The following ATOSB variants were observed in gnomAD, a reference collection of about 807,000 sequenced individuals.
The protein encoded by ATOSB is atos homolog protein B.
the ATOSB span, chr9:35,111,198 C>T: frequency 6.5e-6 from 1 of 153,440 alleles, no homozygotes; most frequent in Non-Finnish European, 1.5e-5. Flanking sequence ...CCTCTCCTCC[C>T]CACAGCCTGG....
the ATOSB span, chr9:35,108,633 T>C: frequency 9.6e-7 from 1 of 1,043,290 alleles, no homozygotes; most frequent in East Asian, 8.5e-5. Context: ...GCGTCCCCTC[T>C]TCCCAACTGA....
At chr9:35,115,423 TCTC>T in the ATOSB span, among the ~76,000 whole-genome samples, 1 of 151,886 alleles carries the variant, frequency 6.6e-6, no homozygotes, top group Non-Finnish European at 1.5e-5. Flanking sequence ...GGGGTTCTGT[TCTC>T]CTGCCTCAAG....
At chr9:35,106,122 A>G in the ATOSB span, 11 of 1,507,640 alleles carry the variant, frequency 7.3e-6, no homozygotes, top group Admixed American at 1.9e-4. This position sits in a 1 kb window ranked among gnomAD's most constrained non-coding sequence, Gnocchi z 4.6. Flanking sequence ...CCTACAGTAG[A>G]GTTCTCCTCA....
the ATOSB span, chr9:35,104,819 C>G: frequency 5.7e-6 from 1 of 176,344 alleles, no homozygotes; most frequent in Non-Finnish European, 1.4e-5. Context: ...AGGAGTGATG[C>G]CAATTATCAG....
At chr9:35,114,380 C>T in the ATOSB span, among the ~76,000 whole-genome samples, 4 of 148,822 alleles carry the variant, frequency 2.7e-5, no homozygotes, top group Non-Finnish European at 6.0e-5. Context: ...TCAGCAGACC[C>T]ACCCCCCTCC....
At chr9:35,115,094 A>C in the ATOSB span, among the ~76,000 whole-genome samples, 2 of 151,700 alleles carry the variant, frequency 1.3e-5, no homozygotes, top group Admixed American at 1.3e-4. Context: ...AGGAACAGGA[A>C]CTAGGATGGG....
chr9:35,109,575 G>A, the ATOSB span: 150,229 of 152,330 alleles, frequency 0.99, 74,100 homozygotes, highest in Middle Eastern at 1. Flanking sequence ...TTGAAAGCCA[G>A]CTGCCCCCAG....
chr9:35,106,023 G>A, the ATOSB span: 8 of 1,611,230 alleles, frequency 5.0e-6, no homozygotes, highest in Non-Finnish European at 5.9e-6. This position sits in a 1 kb window ranked among gnomAD's most constrained non-coding sequence, Gnocchi z 4.6. Context: ...GAAGGCCAGG[G>A]AGCCATCAGT....
the ATOSB span, chr9:35,107,009 A>T: frequency 1.1e-6 from 1 of 890,094 alleles, no homozygotes; most frequent in South Asian, 1.6e-5. Context: ...ACCTTTACCC[A>T]CACAAATATC....
At chr9:35,105,305 G>T in the ATOSB span, 8 of 1,614,016 alleles carry the variant, frequency 5.0e-6, no homozygotes, top group Non-Finnish European at 6.8e-6. This position sits in a 1 kb window ranked among gnomAD's most constrained non-coding sequence, Gnocchi z 5.5. Context: ...CCAGCTCCAG[G>T]CTCCGGCGGG....
the ATOSB span, chr9:35,106,895 C>A: frequency 1.3e-6 from 2 of 1,566,200 alleles, no homozygotes; most frequent in Admixed American, 3.7e-5. This position sits in a 1 kb window ranked among gnomAD's most constrained non-coding sequence, Gnocchi z 4.6. Context: ...TTGGGTCCTA[C>A]GGAGAGAAAT....
chr9:35,104,419 T>A, the ATOSB span: 1 of 169,542 alleles, frequency 5.9e-6, no homozygotes, highest in Non-Finnish European at 1.3e-5. Flanking sequence ...TGGCCCTGAC[T>A]CTGCCCCCTG....
the ATOSB span, chr9:35,106,963 A>C: frequency 7.3e-7 from 1 of 1,366,052 alleles, no homozygotes; most frequent in Non-Finnish European, 1.0e-6. This position sits in a 1 kb window ranked among gnomAD's most constrained non-coding sequence, Gnocchi z 4.6. Context: ...AGCTCATCAC[A>C]AACTCTCAAA....
chr9:35,114,250 T>TA, the ATOSB span, among the ~76,000 whole-genome samples: 3 of 152,190 alleles, frequency 2.0e-5, no homozygotes, highest in Non-Finnish European at 4.4e-5. Flanking sequence ...GAGTCTGCCC[T>TA]AGGCCCGCCC....
chr9:35,107,479 G>A, the ATOSB span: 71 of 1,610,222 alleles, frequency 4.4e-5, no homozygotes, highest in Admixed American at 1.2e-4. Context: ...AGGGATCCCC[G>A]GCGCCTCCGA....
the ATOSB span, chr9:35,106,623 C>G: frequency 6.4e-7 from 1 of 1,555,822 alleles, no homozygotes; most frequent in Non-Finnish European, 8.7e-7. This position sits in a 1 kb window ranked among gnomAD's most constrained non-coding sequence, Gnocchi z 4.6. Flanking sequence ...TGGCCCCTTC[C>G]GGAGGCTTCG....
the ATOSB span, chr9:35,106,606 G>C: frequency 1.3e-6 from 2 of 1,562,416 alleles, no homozygotes; most frequent in Non-Finnish European, 1.7e-6. The surrounding 1 kb of genome is among the most constrained non-coding windows in gnomAD (Gnocchi z 4.6). Flanking sequence ...GGGGGGCTCA[G>C]CAGGCCTGGC....
At chr9:35,105,939 A>G in the ATOSB span, 1 of 1,613,878 alleles carries the variant, frequency 6.2e-7, no homozygotes, top group Admixed American at 1.7e-5. This position sits in a 1 kb window ranked among gnomAD's most constrained non-coding sequence, Gnocchi z 5.5. Flanking sequence ...GGGCAAACTC[A>G]CCACTTGGAC....
chr9:35,108,663 G>A, the ATOSB span: 1 of 1,015,698 alleles, frequency 9.8e-7, no homozygotes, highest in Non-Finnish European at 1.2e-6. Flanking sequence ...CCCCTAGCTT[G>A]CAGTCTGATC....
Sources: allele counts gnomAD v4.1 joint callset (sites outside exome capture counted in the v4.1 genomes callset), GRCh38; gene constraint gnomAD v4.1.1; non-coding constraint Gnocchi (gnomAD v3.1); transcripts MANE v1.5; gene names NCBI Gene and HGNC (gene_info 2026-07-23, HGNC 2026-07-21).